WWOX: variants seen among roughly 807,000 people sequenced by gnomAD.
The protein encoded by WWOX is WW domain-containing oxidoreductase.
A neutral mutation model predicts 46.2 loss-of-function variants in WWOX; 69 were observed. That is an observed-to-expected ratio of 1.49 (90% CI 1.23 to 1.82). The LOEUF (loss-of-function observed/expected upper bound fraction) is 1.82, where lower values mean the gene tolerates loss of function less well. Ranked by LOEUF, WWOX falls within the 40% of genes most tolerant of loss-of-function variation. The probability of loss-of-function intolerance (pLI) is 0.00; values close to 1 mark genes in which losing one functional copy is unlikely to be tolerated. For missense variants in WWOX, 919 were observed against 542.6 expected (o/e 1.69, Z -6.89); for synonymous variants, 359 against 202.6 (o/e 1.77, Z -6.56).
At chr16:78,256,043 A>C (rs977705923) in intron 5 of WWOX, among the ~76,000 whole-genome samples, 1 of 149,330 alleles carries the variant, frequency 6.7e-6, no homozygotes, top group African/African-American at 2.5e-5. Flanking sequence ...CCAGCTGCTC[A>C]GGAGGCTGAG....
intron 8 of WWOX, among the ~76,000 whole-genome samples, chr16:78,882,896 C>G (rs1445960682): frequency 2.0e-5 from 3 of 151,694 alleles, no homozygotes; most frequent in African/African-American, 4.9e-5. Flanking sequence ...TCGAGTGACA[C>G]AAACTGGAAC....
At chr16:78,772,152 C>T (rs1001994842) in intron 8 of WWOX, among the ~76,000 whole-genome samples, 1 of 152,122 alleles carries the variant, frequency 6.6e-6, no homozygotes, top group Admixed American at 6.5e-5. Flanking sequence ...GGTAATAAGC[C>T]TTGTATCCAA....
intron 5 of WWOX, among the ~76,000 whole-genome samples, chr16:78,225,835 A>G (rs1480490189): frequency 6.6e-6 from 1 of 152,046 alleles, no homozygotes; most frequent in Non-Finnish European, 1.5e-5. Flanking sequence ...TTTTTTCCTT[A>G]TTTCCAAGCA....
At chr16:79,092,996 A>G (rs1451712008) in intron 8 of WWOX, among the ~76,000 whole-genome samples, 1 of 152,194 alleles carries the variant, frequency 6.6e-6, no homozygotes, top group East Asian at 1.9e-4. Context: ...GGTTTTCACC[A>G]TTATATTCAA....
chr16:78,763,523 A>G (rs7198672), intron 8 of WWOX, among the ~76,000 whole-genome samples: 32,508 of 152,014 alleles, frequency 0.21, 5,643 homozygotes, highest in African/African-American at 0.49. Context: ...AATTTTTTAC[A>G]TAGAGTATGA....
intron 8 of WWOX, among the ~76,000 whole-genome samples, chr16:78,462,121 A>C (rs1389045550): frequency 6.6e-6 from 1 of 152,244 alleles, no homozygotes; most frequent in African/African-American, 2.4e-5. Context: ...GGCAGGCTTA[A>C]CAAGTTCCTC....
intron 4 of WWOX, among the ~76,000 whole-genome samples, chr16:78,147,696 TAAAAAA>T (rs754297519): frequency 3.9e-4 from 41 of 104,880 alleles, no homozygotes; most frequent in African/African-American, 1.5e-3. Flanking sequence ...TTTTTTTTTT[TAAAAAA>T]AAAAAAGGTG....
intron 8 of WWOX, among the ~76,000 whole-genome samples, chr16:78,974,411 C>G (rs1162925081): frequency 1.3e-5 from 2 of 152,124 alleles, no homozygotes; most frequent in Non-Finnish European, 2.9e-5. Flanking sequence ...TATACACTAG[C>G]CTTGGAAAGA....
At chr16:78,278,696 C>A in intron 5 of WWOX, 1 of 1,559,598 alleles carries the variant, frequency 6.4e-7, no homozygotes, top group South Asian at 1.1e-5. Context: ...ATAGTCTCAT[C>A]AATTACATCT....
chr16:78,930,088 C>T (rs1449929708), intron 8 of WWOX, among the ~76,000 whole-genome samples: 1 of 152,074 alleles, frequency 6.6e-6, no homozygotes, highest in East Asian at 1.9e-4. Context: ...CTTCTTCACA[C>T]TCCTCCTTCC....
intron 8 of WWOX, among the ~76,000 whole-genome samples, chr16:78,569,722 A>G (rs1039023858): frequency 2.0e-5 from 3 of 152,228 alleles, no homozygotes; most frequent in African/African-American, 7.2e-5. Context: ...TACTAATTTC[A>G]TTAGTGAACG....
intron 8 of WWOX, among the ~76,000 whole-genome samples, chr16:79,014,709 G>C (rs1023680078): frequency 1.3e-5 from 2 of 152,166 alleles, no homozygotes; most frequent in Non-Finnish European, 2.9e-5. Context: ...AAGAACCAAG[G>C]CATAGAAATT....
chr16:78,116,787 A>T (rs977657356), intron 4 of WWOX, among the ~76,000 whole-genome samples: 2 of 152,256 alleles, frequency 1.3e-5, no homozygotes, highest in Non-Finnish European at 2.9e-5. Flanking sequence ...TTAACAAGTT[A>T]GCCAGAAACT....
intron 8 of WWOX, among the ~76,000 whole-genome samples, chr16:78,622,767 C>T (rs970443106): frequency 6.6e-6 from 1 of 152,056 alleles, no homozygotes; most frequent in Non-Finnish European, 1.5e-5. Flanking sequence ...TATGGCAAAG[C>T]AAAGGGATTT....
intron 8 of WWOX, among the ~76,000 whole-genome samples, chr16:78,832,614 C>G (rs184307457): frequency 6.6e-6 from 1 of 152,100 alleles, no homozygotes; most frequent in Non-Finnish European, 1.5e-5. Context: ...TGGGAAAATG[C>G]GTCCCTCTCT....
In WWOX at chr16:78,472,568, G is replaced by C. The variant is rs537703781; in HGVS notation, c.1056+39816G>C. 9.9e-5 allele frequency among the ~76,000 whole-genome samples: 15 copies of C among 152,192 alleles called. No homozygotes were observed. In the South Asian group the frequency reaches 3.1e-3, roughly 32 times the overall value. On this transcript the variant is annotated intron_variant, in intron 8 of 8. Transcript: ENST00000566780. ...TCACGCCTGTAATCCCAGCACTTTG[G>C]AAGGCCAAGGCGGGTGGATCACCTG...
At chr16:79,034,649 T>C (rs1312070219) in intron 8 of WWOX, among the ~76,000 whole-genome samples, 2 of 152,192 alleles carry the variant, frequency 1.3e-5, no homozygotes, top group Admixed American at 6.5e-5. Context: ...GTATCCAACA[T>C]CTTGAATGCT....
intron 8 of WWOX, among the ~76,000 whole-genome samples, chr16:78,621,464 G>A (rs543365689): frequency 4.0e-5 from 6 of 151,410 alleles, no homozygotes. Flanking sequence ...TCTTCTTCCA[G>A]TTGCATCTCT....
At chr16:78,469,152 C>T (rs1036200506) in intron 8 of WWOX, among the ~76,000 whole-genome samples, 1 of 152,150 alleles carries the variant, frequency 6.6e-6, no homozygotes, top group Non-Finnish European at 1.5e-5. Context: ...TTTGAAGTTG[C>T]AAGAAGTCAC....
Sources: allele counts gnomAD v4.1 joint callset (sites outside exome capture counted in the v4.1 genomes callset), GRCh38; gene constraint gnomAD v4.1.1; transcripts MANE v1.5; gene names NCBI Gene and HGNC (gene_info 2026-07-23, HGNC 2026-07-21).